FKBP14: variants seen among roughly 807,000 people sequenced by gnomAD.
FKBP14 encodes FKBP prolyl isomerase 14.
FKBP14 carries 20 observed loss-of-function variants against 21.6 expected under a neutral mutation model. The observed-to-expected ratio is 0.92, with a 90% CI of 0.65 to 1.34. The LOEUF (loss-of-function observed/expected upper bound fraction) is 1.34, where lower values mean the gene tolerates loss of function less well. Ranked by LOEUF, FKBP14 falls within the 40% of genes most tolerant of loss-of-function variation. The probability of loss-of-function intolerance (pLI) is 0.00; values close to 1 mark genes in which losing one functional copy is unlikely to be tolerated. For missense variants in FKBP14, 253 were observed against 249.0 expected (o/e 1.02, Z -0.11); for synonymous variants, 79 against 86.7 (o/e 0.91, Z 0.49).
intron 3 of FKBP14, among the ~76,000 whole-genome samples, chr7:30,016,925 G>A (rs551406073): frequency 2.8e-4 from 42 of 152,146 alleles, no homozygotes; most frequent in Non-Finnish European, 5.7e-4. Context: ...TAAAAAAAGG[G>A]GTGGGGGAGA....
At chr7:30,023,644 A>T (rs763431284) in intron 1 of FKBP14, among the ~76,000 whole-genome samples, 1 of 152,202 alleles carries the variant, frequency 6.6e-6, no homozygotes, top group South Asian at 2.1e-4. Flanking sequence ...ACTTATAAAG[A>T]AAAGGAGGTT....
chr7:30,023,977 C>T (rs1439349289), intron 1 of FKBP14, among the ~76,000 whole-genome samples: 1 of 152,168 alleles, frequency 6.6e-6, no homozygotes, highest in Non-Finnish European at 1.5e-5. Flanking sequence ...ATAGAATGTC[C>T]TGGCTCATGA....
At chr7:30,008,802 C>T (rs559680115), downstream of FKBP14, among the ~76,000 whole-genome samples, 11 of 152,062 alleles carry the variant, frequency 7.2e-5, no homozygotes, top group Non-Finnish European at 1.5e-4. Context: ...CGGTGAAACC[C>T]GTCTCTACTA....
Position 30,026,311 on chromosome 7 carries a change from C to A in FKBP14, c.197+1G>T. On this transcript the variant is annotated splice_donor_variant, in intron 1 of 3. Coordinates refer to ENST00000222803, the MANE Select transcript of FKBP14 (RefSeq NM_017946.4). LOFTEE classifies it high-confidence loss of function. ...TTTACCTGCGGGGCATAATTACTTA[C>A]GTGGAGTGAAATAAGGAGCCGTCCT... The A allele has an allele frequency of 1.2e-6, 2 of 1,601,172 alleles. No homozygotes were observed. Among genetic ancestry groups the A allele is most frequent in the Non-Finnish European group, 1.7e-6 (2 of 1,172,304 alleles).
At chr7:30,022,422 T>C (rs1360908378) in intron 2 of FKBP14, 1 of 313,388 alleles carries the variant, frequency 3.2e-6, no homozygotes, top group Non-Finnish European at 5.8e-6. Context: ...ACCATATTTG[T>C]GAACAGTATT....
In FKBP14 at chr7:30,026,488, G is replaced by T. The variant is rs753043634; in HGVS notation, c.21C>A (p.Asn7Lys). The change falls in exon 1 of 4, where the codon AAC becomes AAA. Residue 7 changes from asparagine (N) to lysine (K), a missense_variant. Transcript: ENST00000222803. The stretch of plus-strand genomic sequence containing the variant: ...AAGTGACGAACAGAGTCAAGACCGC[G>T]TTCCACAAGAAAAGCCTCATGTTGC... MRLFLW[N>K]AVLTLFVTSL... 3.1e-6 allele frequency: 5 copies of T among 1,612,072 alleles called. No individual in the cohort carries two copies. Among genetic ancestry groups the T allele is most frequent in the Non-Finnish European group, 4.2e-6 (5 of 1,179,252 alleles).
At chr7:30,019,244 A>G (rs756663016) in intron 2 of FKBP14, 121 bp from the exon 3 acceptor site, 6 of 898,146 alleles carry the variant, frequency 6.7e-6, no homozygotes, top group Non-Finnish European at 9.6e-6. Context: ...TAAGATTGTC[A>G]TATATGATGA....
chr7:30,008,753 G>A (rs574176288), downstream of FKBP14, among the ~76,000 whole-genome samples: 42 of 151,810 alleles, frequency 2.8e-4, no homozygotes, highest in African/African-American at 9.7e-4. Flanking sequence ...AAGGCAGGCC[G>A]ATCACGAGGT....
chr7:30,026,244 T>C, intron 1 of FKBP14, 68 bp downstream of exon 1: 1 of 1,432,290 alleles, frequency 7.0e-7, no homozygotes, highest in African/African-American at 1.4e-5. Context: ...CCACCTTTCC[T>C]GCTGGAGAGC....
chr7:30,024,213 A>G (rs1790111962), intron 1 of FKBP14, among the ~76,000 whole-genome samples: 1 of 152,194 alleles, frequency 6.6e-6, no homozygotes, highest in African/African-American at 2.4e-5. Context: ...AATTTTGCCC[A>G]ATGATCAAAG....
downstream of FKBP14, among the ~76,000 whole-genome samples, chr7:30,008,695 G>A (rs1173736069): frequency 2.0e-5 from 3 of 149,702 alleles, no homozygotes; most frequent in African/African-American, 7.4e-5. Context: ...AAAAAAAGCC[G>A]GCCAGGTGCG....
intron 2 of FKBP14, 112 bp downstream of exon 2, chr7:30,022,553 C>T (rs886808919): frequency 7.7e-6 from 8 of 1,039,640 alleles, no homozygotes; most frequent in Non-Finnish European, 9.5e-6. Flanking sequence ...GAATACATAC[C>T]CCCTATTAAC....
chr7:30,019,258 T>C, intron 2 of FKBP14, 135 bp from the exon 3 acceptor site: 1 of 766,522 alleles, frequency 1.3e-6, no homozygotes, highest in African/African-American at 1.9e-5. Context: ...ATGATGAAAA[T>C]TATGTATATT....
downstream of FKBP14, among the ~76,000 whole-genome samples, chr7:30,007,409 C>T (rs1789637138): frequency 6.6e-6 from 1 of 151,984 alleles, no homozygotes. Flanking sequence ...CGGGTTTCAC[C>T]ATGTTGACCA....
chr7:30,015,272 G>C (rs1789851168), intron 3 of FKBP14, among the ~76,000 whole-genome samples: 1 of 151,894 alleles, frequency 6.6e-6, no homozygotes, highest in African/African-American at 2.4e-5. Context: ...AAAAAAGTTA[G>C]CCAGGCATGA....
At chr7:30,018,013 A>AT (rs984859617) in intron 3 of FKBP14, among the ~76,000 whole-genome samples, 8 of 43,450 alleles carry the variant, frequency 1.8e-4, no homozygotes, top group African/African-American at 3.8e-4. Flanking sequence ...AAATAAATAA[A>AT]TAAATAAATA....
At chr7:30,024,338 GCAATTTATCCCATAGGCTATGGTT>G (rs1216561618) in intron 1 of FKBP14, among the ~76,000 whole-genome samples, 5 of 152,212 alleles carry the variant, frequency 3.3e-5, no homozygotes, top group African/African-American at 1.2e-4. Context: ...TTAGGGCTAA[GCAATTTATCCCATAGGCTATGGTT>G]CTAGAGATGG....
chr7:30,008,458 T>G (rs757128959), downstream of FKBP14: 1 of 152,388 alleles, frequency 6.6e-6, no homozygotes, highest in East Asian at 1.9e-4. Context: ...CGGTGGCTCA[T>G]GCCTGTAATC....
Position 30,013,482 on chromosome 7 carries a change from T to G in FKBP14, c.*1253A>C, listed in dbSNP as rs181040024. The G allele has an allele frequency of 3.3e-5, 5 of 152,324 alleles. No homozygotes were observed. Among genetic ancestry groups the G allele is most frequent in the African/African-American group, 1.2e-4 (5 of 41,568 alleles). 9.4% of individuals were successfully genotyped at this position (152,324 alleles called of 1,614,324 possible). ...CCAGGCTGGTCTTGAACTCCTGATC[T>G]CAAGTGATCCACCCTCCTTGGCCCC... On this transcript the variant is annotated 3_prime_UTR_variant, in exon 4 of 4. Coordinates refer to ENST00000222803, the MANE Select transcript of FKBP14 (RefSeq NM_017946.4).
Sources: gnomAD v4.1 joint callset for allele counts (sites outside exome capture counted in the v4.1 genomes callset) on GRCh38, gnomAD v4.1.1 for gene constraint, MANE v1.5 for transcripts, NCBI Gene and HGNC (gene_info 2026-07-23, HGNC 2026-07-21) for gene names.